C12orf54: variants seen among roughly 807,000 people sequenced by gnomAD.
C12orf54 encodes the protein chromosome 12 open reading frame 54, also known as uncharacterized protein C12orf54.
In C12orf54, 24 loss-of-function variants were observed where a neutral mutation model predicts 26.4. That is an observed-to-expected ratio of 0.91 (90% CI 0.66 to 1.28). C12orf54 has a LOEUF of 1.28. Ranked by LOEUF, C12orf54 falls within the 50% of genes most tolerant of loss-of-function variation. C12orf54 has a pLI of 0.00. For synonymous variants in C12orf54, 54 were observed against 47.0 expected, an observed-to-expected ratio of 1.15 and a Z score of -0.61; for missense variants, 154 against 150.9, an observed-to-expected ratio of 1.02 and a Z score of -0.11.
chr12:48,474,889 G>C, the C12orf54 span, among the ~76,000 whole-genome samples: 1 of 152,206 alleles, frequency 6.6e-6, no homozygotes, highest in Non-Finnish European at 1.5e-5. Context: ...TGACAGCTTT[G>C]AAAAGAGTAG....
the C12orf54 span, among the ~76,000 whole-genome samples, chr12:48,432,889 T>TA: frequency 3.2e-4 from 47 of 147,162 alleles, no homozygotes; most frequent in Non-Finnish European, 5.6e-4. Context: ...AAAAAGCATA[T>TA]AAAAAATCTT....
chr12:48,463,733 T>C, the C12orf54 span, among the ~76,000 whole-genome samples: 4 of 152,192 alleles, frequency 2.6e-5, no homozygotes, highest in East Asian at 3.9e-4. Flanking sequence ...TTAACCACCA[T>C]GATCAAGTAG....
At chr12:48,485,828 G>C (rs1954254576) in intron 2 of C12orf54, among the ~76,000 whole-genome samples, 1 of 152,216 alleles carries the variant, frequency 6.6e-6, no homozygotes, top group Non-Finnish European at 1.5e-5. Context: ...AGAGGACCTG[G>C]GAAGTTTGAC....
the C12orf54 span, among the ~76,000 whole-genome samples, chr12:48,450,261 A>C: frequency 3.9e-5 from 6 of 152,206 alleles, no homozygotes; most frequent in Non-Finnish European, 7.3e-5. Context: ...TTAAGGCAGA[A>C]ATCAAGAAGT....
the C12orf54 span, among the ~76,000 whole-genome samples, chr12:48,468,344 A>C: frequency 1.3e-5 from 2 of 152,186 alleles, no homozygotes; most frequent in Admixed American, 1.3e-4. Flanking sequence ...TGACTAAAGC[A>C]GAATGGACAG....
At chr12:48,476,560 A>G in the C12orf54 span, among the ~76,000 whole-genome samples, 4 of 152,198 alleles carry the variant, frequency 2.6e-5, no homozygotes, top group South Asian at 2.1e-4. Context: ...GATCTACCAA[A>G]CAAATGGAAA....
chr12:48,491,460 G>T (rs899710113), intron 6 of C12orf54, among the ~76,000 whole-genome samples: 1 of 152,172 alleles, frequency 6.6e-6, no homozygotes, highest in Non-Finnish European at 1.5e-5. Flanking sequence ...GGTGACATAG[G>T]CATTCAGTCT....
the C12orf54 span, among the ~76,000 whole-genome samples, chr12:48,465,841 T>G: frequency 6.6e-6 from 1 of 152,112 alleles, no homozygotes; most frequent in African/African-American, 2.4e-5. Flanking sequence ...ATGTTCTCAC[T>G]TACAAGTGGG....
At chr12:48,448,522 A>G in the C12orf54 span, among the ~76,000 whole-genome samples, 1 of 152,246 alleles carries the variant, frequency 6.6e-6, no homozygotes, top group African/African-American at 2.4e-5. Flanking sequence ...AGATTAAAGA[A>G]CAAGTAAGAA....
At chr12:48,445,957 G>T in the C12orf54 span, among the ~76,000 whole-genome samples, 14 of 152,280 alleles carry the variant, frequency 9.2e-5, no homozygotes, top group African/African-American at 3.4e-4. Context: ...TGAGAACAAA[G>T]ATCAGATGAG....
chr12:48,490,486 C>T (rs1937763983), intron 5 of C12orf54, among the ~76,000 whole-genome samples: 1 of 152,120 alleles, frequency 6.6e-6, no homozygotes, highest in South Asian at 2.1e-4. Context: ...ATCCCCATCT[C>T]TACTAAAAAT....
At chr12:48,418,346 T>C in the C12orf54 span, among the ~76,000 whole-genome samples, 1 of 152,204 alleles carries the variant, frequency 6.6e-6, no homozygotes, top group Non-Finnish European at 1.5e-5. Context: ...GAGGCTAATG[T>C]TGGCTTGATG....
At chr12:48,415,738 C>A in the C12orf54 span, among the ~76,000 whole-genome samples, 18,006 of 152,078 alleles carry the variant, frequency 0.12, 2,346 homozygotes, top group East Asian at 0.67. Flanking sequence ...TCTGAATACT[C>A]CATACACCCC....
chr12:48,419,263 T>C, the C12orf54 span, among the ~76,000 whole-genome samples: 1 of 152,100 alleles, frequency 6.6e-6, no homozygotes, highest in South Asian at 2.1e-4. Context: ...GAAGACATAG[T>C]TGGGATTAGG....
the C12orf54 span, among the ~76,000 whole-genome samples, chr12:48,450,924 C>T: frequency 0.07 from 10,625 of 152,090 alleles, 1,242 homozygotes; most frequent in African/African-American, 0.24. Context: ...ACCATTCCCA[C>T]TAAAACTATT....
the C12orf54 span, among the ~76,000 whole-genome samples, chr12:48,428,545 A>G: frequency 0.1 from 15,328 of 152,212 alleles, 824 homozygotes; most frequent in Middle Eastern, 0.12. Flanking sequence ...GAACAACTTT[A>G]TCCACACAAA....
chr12:48,438,674 A>C, the C12orf54 span, among the ~76,000 whole-genome samples: 1 of 152,212 alleles, frequency 6.6e-6, no homozygotes, highest in Non-Finnish European at 1.5e-5. Context: ...CTATTTAATA[A>C]ATGGTGCTGG....
At chr12:48,484,345 C>A (rs1010018161) in intron 2 of C12orf54, among the ~76,000 whole-genome samples, 1 of 152,206 alleles carries the variant, frequency 6.6e-6, no homozygotes, top group Admixed American at 6.5e-5. Context: ...TCTGCTCTAT[C>A]TAAGAGTATG....
the C12orf54 span, among the ~76,000 whole-genome samples, chr12:48,415,215 A>G: frequency 1.3e-5 from 2 of 152,156 alleles, no homozygotes; most frequent in Non-Finnish European, 2.9e-5. Context: ...CGTACTAAAA[A>G]CAAACAAAAC....
Sources: allele counts gnomAD v4.1 joint callset (sites outside exome capture counted in the v4.1 genomes callset), GRCh38; gene constraint gnomAD v4.1.1; transcripts MANE v1.5; gene names NCBI Gene and HGNC (gene_info 2026-07-23, HGNC 2026-07-21).